The following DYSF variants were observed in gnomAD, a reference collection of about 807,000 sequenced individuals.
The protein encoded by DYSF is dystrophy-associated fer-1-like 1.
DYSF carries 212 observed loss-of-function variants against 274.9 expected under a neutral mutation model. That is an observed-to-expected ratio of 0.77 (90% CI 0.69 to 0.86). DYSF has a LOEUF of 0.86. DYSF is among the 40% of genes least tolerant of loss of function. The pLI is 0.00. For missense variants in DYSF, 2,666 were observed against 2,783.2 expected (o/e 0.96, Z 0.95); for synonymous variants, 1,091 against 1,078.7 (o/e 1.01, Z -0.22).
chr2:71,625,387 CA>C (rs1425529628), intron 41 of DYSF, among the ~76,000 whole-genome samples: 1 of 152,074 alleles, frequency 6.6e-6, no homozygotes, highest in African/African-American at 2.4e-5. Context: ...GTTTTTTTCT[CA>C]TGTAACTAAC....
intron 1 of DYSF, among the ~76,000 whole-genome samples, chr2:71,468,369 A>G (rs772002539): frequency 2.6e-5 from 4 of 152,212 alleles, no homozygotes; most frequent in Non-Finnish European, 4.4e-5. Flanking sequence ...CCATTCTGCA[A>G]ATAAGGAAAT....
chr2:71,572,315 A>C (rs2092539873), intron 29 of DYSF, among the ~76,000 whole-genome samples: 1 of 147,020 alleles, frequency 6.8e-6, no homozygotes, highest in African/African-American at 2.5e-5. Context: ...CCCAGCACAC[A>C]GAAATCACAC....
intron 36 of DYSF, among the ~76,000 whole-genome samples, chr2:71,606,644 C>T (rs773147905): frequency 1.2e-4 from 19 of 152,072 alleles, no homozygotes; most frequent in Non-Finnish European, 2.4e-4. Context: ...ATCAGAGATC[C>T]CTTAGGACCA....
At chr2:71,491,732 AG>A (rs2083870792) in intron 3 of DYSF, among the ~76,000 whole-genome samples, 2 of 152,346 alleles carry the variant, frequency 1.3e-5, no homozygotes, top group Admixed American at 1.3e-4. Flanking sequence ...GTTCCTGCAA[AG>A]GACATGATCT....
At chr2:71,501,554 G>T (rs1426743678) in intron 3 of DYSF, among the ~76,000 whole-genome samples, 1 of 152,164 alleles carries the variant, frequency 6.6e-6, no homozygotes, top group African/African-American at 2.4e-5. Flanking sequence ...CTGAAACTCT[G>T]TAACTGTTCA....
chr2:71,543,981 A>AGAGGGC (rs1426209045), intron 17 of DYSF, among the ~76,000 whole-genome samples: 2 of 150,878 alleles, frequency 1.3e-5, no homozygotes, highest in Admixed American at 1.3e-4. Context: ...AGGGAGAGGG[A>AGAGGGC]GAGGGCTCAA....
intron 41 of DYSF, among the ~76,000 whole-genome samples, chr2:71,628,595 G>T (rs2094253223): frequency 6.6e-6 from 1 of 151,742 alleles, no homozygotes; most frequent in African/African-American, 2.4e-5. Context: ...ACTCTTTTCT[G>T]GCTTCCATTG....
At chr2:71,561,118 C>T (rs1416568452) in intron 22 of DYSF, among the ~76,000 whole-genome samples, 1 of 152,090 alleles carries the variant, frequency 6.6e-6, no homozygotes, top group African/African-American at 2.4e-5. Flanking sequence ...TCTCAGGGCT[C>T]AGGGCTGTGT....
At chr2:71,480,276 G>A (rs12614939) in intron 1 of DYSF, among the ~76,000 whole-genome samples, 119,843 of 152,126 alleles carry the variant, frequency 0.79, 47,755 homozygotes, top group East Asian at 0.94. Context: ...GCTCACATTT[G>A]TAATCCCAGC....
At chr2:71,516,325 C>G in intron 9 of DYSF, 83 bp downstream of exon 9, 1 of 1,372,916 alleles carries the variant, frequency 7.3e-7, no homozygotes, top group Non-Finnish European at 1.0e-6. Context: ...TGTTTGTGCA[C>G]GTGTGTGCAT....
chr2:71,662,807 G>C (rs1187808937), intron 45 of DYSF, among the ~76,000 whole-genome samples: 1 of 147,812 alleles, frequency 6.8e-6, no homozygotes, highest in Non-Finnish European at 1.5e-5. Flanking sequence ...GTGTGTCTGT[G>C]TGTGGTGTGT....
chr2:71,475,498 A>C (rs987073423), intron 1 of DYSF, among the ~76,000 whole-genome samples: 9 of 152,164 alleles, frequency 5.9e-5, no homozygotes, highest in Non-Finnish European at 1.3e-4. Flanking sequence ...AGGGAGCACC[A>C]AAGAGAGATC....
chr2:71,645,466 C>G (rs2094552332), intron 42 of DYSF, among the ~76,000 whole-genome samples: 1 of 151,828 alleles, frequency 6.6e-6, no homozygotes, highest in Non-Finnish European at 1.5e-5. Context: ...TTCTCGACAT[C>G]CCGCCGCTTG....
rs767079554 is a variant in DYSF, at chr2:71,539,186, C to T, written c.1523C>T (p.Ala508Val). Residue 508 changes from alanine to valine, a missense_variant, in exon 17 of 56, where the codon GCT (alanine) becomes GTT (valine). This residue lies in a region of DYSF where 794 missense variants were observed against 777.1 expected (regional missense o/e 1.02). Coordinates refer to ENST00000410020, the MANE Select transcript of DYSF (RefSeq NM_001130987.2). ...CGCCTGACTCACAATGACATCGTGG[C>T]TACCACCTACCTGAGTATGTCGAAA... is the stretch of plus-strand genomic sequence containing the variant. ...WDRLTHNDIVATTYLSMSKIS... is the reference protein window; with the variant it reads ...WDRLTHNDIVVTTYLSMSKIS... 9.3e-6 allele frequency: 15 copies of T among 1,614,000 alleles called. No individual in the cohort carries two copies. The South Asian group carries it at 1.5e-4, about 17-fold the overall frequency.
chr2:71,503,125 C>T, intron 3 of DYSF, 89 bp from the exon 4 acceptor site: 1 of 1,196,300 alleles, frequency 8.4e-7, no homozygotes, highest in Non-Finnish European at 1.2e-6. Flanking sequence ...GCAGACCAGC[C>T]TCATCTGAGT....
In DYSF at chr2:71,535,153, G is replaced by C. The variant is rs2089185020; in HGVS notation, c.1449+64G>C. The stretch of plus-strand genomic sequence containing the variant: ...GGGGCTCTGGGCTTCGGGAGGTCCA[G>C]GGCTCCTGCCTCCCCAGCATCCTGC... On this transcript the variant is annotated intron_variant, in intron 15 of 55. Transcript: ENST00000410020. 1.9e-6 allele frequency: 3 copies of C among 1,606,566 alleles called. No individual in the cohort carries two copies. In the Admixed American group the frequency reaches 5.0e-5, roughly 27 times the overall value.
chr2:71,490,054 G>A (rs1243508671), intron 3 of DYSF, among the ~76,000 whole-genome samples: 2 of 152,158 alleles, frequency 1.3e-5, no homozygotes, highest in Non-Finnish European at 2.9e-5. Flanking sequence ...ATGCACTTAC[G>A]TAAACCACAC....
chr2:71,586,817 G>T (rs1048838164), intron 30 of DYSF, among the ~76,000 whole-genome samples: 10 of 152,022 alleles, frequency 6.6e-5, no homozygotes, highest in African/African-American at 2.4e-4. Flanking sequence ...GGAGCCGGAG[G>T]CGCCTCCCTC....
chr2:71,470,673 CAAAAAAA>C (rs776955310), intron 1 of DYSF, among the ~76,000 whole-genome samples: 2 of 57,704 alleles, frequency 3.5e-5, no homozygotes, highest in South Asian at 7.1e-4. Context: ...GACTCCATCT[CAAAAAAA>C]AAAAAAAAAA....
Sources: gnomAD v4.1 joint callset for allele counts (sites outside exome capture counted in the v4.1 genomes callset) on GRCh38, gnomAD v4.1.1 for gene constraint, gnomAD v4.1.1 regional missense constraint, MANE v1.5 for transcripts, NCBI Gene and HGNC (gene_info 2026-07-23, HGNC 2026-07-21) for gene names.